The following TWIST2 variants were observed in gnomAD, a reference collection of about 807,000 sequenced individuals.
TWIST2 encodes twist-related protein 2.
TWIST2 carries 1 observed loss-of-function variant against 11.6 expected under a neutral mutation model. The observed-to-expected ratio is 0.09, with a 90% CI of 0.03 to 0.41. The LOEUF is 0.41. Among genes scored for constraint, TWIST2 ranks in the 10% least tolerant of loss-of-function variants. TWIST2 has a pLI of 0.98. For synonymous variants in TWIST2, 87 were observed against 96.6 expected, an observed-to-expected ratio of 0.90 and a Z score of 0.58; for missense variants, 168 against 226.4, an observed-to-expected ratio of 0.74 and a Z score of 1.66.
At position 238,866,306 on chromosome 2, in the gene TWIST2, C is replaced by A. The variant is rs1574751659; in HGVS notation, c.*35+17573C>A. 6.6e-6 allele frequency among the ~76,000 whole-genome samples: 1 copy of A among 152,230 alleles called. No homozygotes were observed. Among genetic ancestry groups the A allele is most frequent in the Non-Finnish European group, 1.5e-5 (1 of 68,048 alleles). Reference sequence around the variant, plus strand: ...TTCACCCTGTACCCAGCACTTGGAGCAGTTGCCAGTAAGAACAGGGGTGAG... The same window carrying A: ...TTCACCCTGTACCCAGCACTTGGAGAAGTTGCCAGTAAGAACAGGGGTGAG... On this transcript the variant is annotated intron_variant, in intron 1 of 1. Transcript: ENST00000612363. The surrounding 1 kb of genome is among the most constrained non-coding windows in gnomAD (Gnocchi z 4.9).
At position 238,878,846 on chromosome 2, in the gene TWIST2, T is replaced by C. The variant is rs145734109; in HGVS notation, c.*35+30113T>C. 2.7e-4 allele frequency among the ~76,000 whole-genome samples: 41 copies of C among 152,326 alleles called. No homozygotes were observed. The East Asian group carries it at 7.7e-3, about 29-fold the overall frequency. On this transcript the variant is annotated intron_variant, in intron 1 of 1. Transcript: ENST00000612363. ...AGCTGGAAACTCAGTGTGTTCTCTCTTTATAGTCCTCCACCTTCAGGAGCT... is the reference window on the plus strand; with the variant it reads ...AGCTGGAAACTCAGTGTGTTCTCTCCTTATAGTCCTCCACCTTCAGGAGCT...
rs770110042 is a variant in TWIST2 at position 238,848,245 on chromosome 2, C to T, written c.30C>T (p.Ser10=). 29 of 1,497,522 alleles carry T rather than the reference C, an allele frequency of 1.9e-5. No homozygotes were observed. The highest frequency in any genetic ancestry group is 2.4e-5 in the Non-Finnish European group (27 of 1,122,334). The allele number at this position is 1,497,522 out of a possible 1,614,324, so 92.8% of individuals were successfully genotyped here. ...AGGAGGGCTCCAGCTCGCCCGTGTC[C>T]CCCGTGGACAGCCTGGGCACCAGCG... MEEGSSSPV[S]PVDSLGTSEE... is the part of the protein sequence containing the mutation. Residue 10 remains serine (S), a synonymous_variant, in exon 1 of 2, where the codon TCC becomes TCT. Coordinates refer to ENST00000612363, the MANE Select transcript of TWIST2 (RefSeq NM_001271893.4).
chr2:238,882,363 A>G (rs1326229883), intron 1 of TWIST2, among the ~76,000 whole-genome samples: 1 of 152,158 alleles, frequency 6.6e-6, no homozygotes, highest in Non-Finnish European at 1.5e-5. Context: ...CTCTGAGACC[A>G]TTCAATAGGG....
chr2:238,872,847 T>C (rs1325897055), intron 1 of TWIST2, among the ~76,000 whole-genome samples: 2 of 152,198 alleles, frequency 1.3e-5, no homozygotes, highest in Non-Finnish European at 2.9e-5. Flanking sequence ...TGGTTTTGCG[T>C]AGCTGGTATC....
intron 1 of TWIST2, among the ~76,000 whole-genome samples, chr2:238,887,967 G>C (rs924106851): frequency 1.3e-5 from 2 of 152,198 alleles, no homozygotes; most frequent in African/African-American, 4.8e-5. Flanking sequence ...GCCGCCTCTC[G>C]TGTTGTCCTG....
intron 1 of TWIST2, among the ~76,000 whole-genome samples, chr2:238,885,308 G>A (rs930777689): frequency 1.3e-5 from 2 of 152,244 alleles, no homozygotes; most frequent in Non-Finnish European, 2.9e-5. Flanking sequence ...CCTGGCCAAA[G>A]CCGTCATGCT....
intron 1 of TWIST2, among the ~76,000 whole-genome samples, chr2:238,897,228 G>A (rs1048185665): frequency 0.15 from 22,645 of 147,220 alleles, 1,958 homozygotes; most frequent in African/African-American, 0.27. Flanking sequence ...GGTTGCAGAC[G>A]TTGATTCTTA....
intron 1 of TWIST2, chr2:238,887,032 C>T (rs1298193123): frequency 6.6e-6 from 1 of 152,142 alleles, no homozygotes; most frequent in Non-Finnish European, 1.5e-5. Flanking sequence ...GAACCTTCAC[C>T]AAGGTCTTGG....
intron 1 of TWIST2, among the ~76,000 whole-genome samples, chr2:238,896,430 C>T (rs942440407): frequency 3.2e-4 from 49 of 152,272 alleles, no homozygotes; most frequent in African/African-American, 1.1e-3. Context: ...CTCTGGAGGC[C>T]GCCTGGCCGA....
intron 1 of TWIST2, among the ~76,000 whole-genome samples, chr2:238,873,009 A>G (rs1486331964): frequency 1.3e-5 from 2 of 152,082 alleles, no homozygotes; most frequent in African/African-American, 4.8e-5. Flanking sequence ...CCAAGGAGAC[A>G]ATGGAGGACT....
intron 1 of TWIST2, among the ~76,000 whole-genome samples, chr2:238,862,227 TA>T (rs1199205361): frequency 6.6e-6 from 1 of 152,152 alleles, no homozygotes; most frequent in Non-Finnish European, 1.5e-5. Context: ...ATAAATAAAA[TA>T]GCAAAATAAT....
In TWIST2 at chr2:238,864,748, G is replaced by A. The variant is rs566147554; in HGVS notation, c.*35+16015G>A. Among the ~76,000 whole-genome samples the A allele has an allele frequency of 1.4e-4, 22 of 152,266 alleles. No individual in the cohort carries two copies. The highest frequency in any genetic ancestry group is 5.1e-4 in the African/African-American group (21 of 41,562). On this transcript the variant is annotated intron_variant, in intron 1 of 1. Coordinates refer to ENST00000612363, the MANE Select transcript of TWIST2 (RefSeq NM_001271893.4). This position sits in a 1 kb window ranked among gnomAD's most constrained non-coding sequence, Gnocchi z 4.7. ...CTGCCGCGGGGTCCACTTGGTATAG[G>A]CACCCACCAGGCCTGCACCCTACCC...
At chr2:238,905,938 T>TGCGC (rs1268842981) in intron 1 of TWIST2, among the ~76,000 whole-genome samples, 147 of 142,690 alleles carry the variant, frequency 1.0e-3, no homozygotes, top group African/African-American at 3.4e-3. Context: ...TGTGCGCGTG[T>TGCGC]GTGTGCGCGC....
chr2:238,857,916 G>C (rs1044226111), intron 1 of TWIST2, among the ~76,000 whole-genome samples: 2 of 152,110 alleles, frequency 1.3e-5, no homozygotes, highest in East Asian at 3.9e-4. Flanking sequence ...CAGCCTGAGC[G>C]ACAAAGCGAG....
At chr2:238,894,641 C>A in intron 1 of TWIST2, among the ~76,000 whole-genome samples, 1 of 152,152 alleles carries the variant, frequency 6.6e-6, no homozygotes, top group East Asian at 1.9e-4. Context: ...CCAATTCCTG[C>A]CTCCTCCCCA....
Position 238,848,313 on chromosome 2 carries a change from G to A in TWIST2, c.98G>A (p.Arg33Gln). The A allele has an allele frequency of 6.5e-7, 1 of 1,534,072 alleles. No homozygotes were observed. Among genetic ancestry groups the A allele is most frequent in the Non-Finnish European group, 8.7e-7 (1 of 1,145,692 alleles). The change falls in exon 1 of 2, where the codon CGG becomes CAG. Residue 33 changes from arginine (R) to glutamine (Q), a missense_variant. This residue lies in a region of TWIST2 where 83 missense variants were observed against 92.7 expected (regional missense o/e 0.90). Coordinates refer to ENST00000612363, the MANE Select transcript of TWIST2 (RefSeq NM_001271893.4). The part of the protein sequence containing the change: ...ERQPKRFGRK[R>Q]RYSKKSSEDG... ...CAGCCCAAGCGCTTCGGCCGGAAGC[G>A]GCGCTACAGCAAGAAGTCGAGCGAA...
At chr2:238,859,728 A>G (rs1219213906) in intron 1 of TWIST2, among the ~76,000 whole-genome samples, 2 of 151,584 alleles carry the variant, frequency 1.3e-5, no homozygotes, top group Admixed American at 6.6e-5. Context: ...CACTTATCCA[A>G]CTCTTCTAGT....
At chr2:238,904,893 T>C (rs914265823) in intron 1 of TWIST2, among the ~76,000 whole-genome samples, 17 of 150,462 alleles carry the variant, frequency 1.1e-4, no homozygotes, top group African/African-American at 4.2e-4. Context: ...GATAGATGAA[T>C]GGATGGGTGG....
intron 1 of TWIST2, among the ~76,000 whole-genome samples, chr2:238,891,586 G>A (rs1395183076): frequency 6.6e-6 from 1 of 152,170 alleles, no homozygotes; most frequent in Non-Finnish European, 1.5e-5. Context: ...GCAGATCTAG[G>A]AGGCATGTGA....
Sources: gnomAD v4.1 joint callset for allele counts (sites outside exome capture counted in the v4.1 genomes callset) on GRCh38, gnomAD v4.1.1 for gene constraint, gnomAD v4.1.1 regional missense constraint, Gnocchi (gnomAD v3.1) non-coding constraint, MANE v1.5 for transcripts, NCBI Gene and HGNC (gene_info 2026-07-23, HGNC 2026-07-21) for gene names.